The following NBAS variants were observed in gnomAD, a reference collection of about 807,000 sequenced individuals.
The protein encoded by NBAS is NAG/BC035112 fusion.
In NBAS, 219 loss-of-function variants were observed where a neutral mutation model predicts 302.5. The observed-to-expected ratio is 0.72, with a 90% confidence interval of 0.65 to 0.81. The LOEUF (loss-of-function observed/expected upper bound fraction) is 0.81, where lower values mean the gene tolerates loss of function less well. Ranked by LOEUF, NBAS falls within the 30% of genes least tolerant of loss-of-function variation. The pLI, the probability that NBAS is intolerant of heterozygous loss-of-function variation, is 0.00. For missense variants in NBAS, 2,932 were observed against 2,841.6 expected (o/e 1.03, Z -0.72); for synonymous variants, 1,118 against 1,021.6 (o/e 1.09, Z -1.80).
intron 31 of NBAS, among the ~76,000 whole-genome samples, chr2:15,368,928 G>A (rs1200583608): frequency 6.6e-6 from 1 of 152,132 alleles, no homozygotes; most frequent in Non-Finnish European, 1.5e-5. Flanking sequence ...CACATATTAT[G>A]GAGATTCTGA....
At chr2:15,512,294 G>A (rs1042563104) in intron 9 of NBAS, among the ~76,000 whole-genome samples, 3 of 152,070 alleles carry the variant, frequency 2.0e-5, no homozygotes, top group Non-Finnish European at 2.9e-5. Flanking sequence ...ATAACACCAT[G>A]AGCTCTCAAT....
chr2:15,383,017 G>T (rs1488127007), intron 29 of NBAS, among the ~76,000 whole-genome samples, 198 bp downstream of exon 29: 1 of 152,104 alleles, frequency 6.6e-6, no homozygotes, highest in Non-Finnish European at 1.5e-5. Context: ...TAAACAGATA[G>T]TGTTGCAATG....
the NBAS span, among the ~76,000 whole-genome samples, chr2:14,902,093 G>A: frequency 3.3e-5 from 5 of 152,242 alleles, no homozygotes; most frequent in South Asian, 4.1e-4. Flanking sequence ...TGCTTAGTTC[G>A]TATAGCAATC....
intron 48 of NBAS, among the ~76,000 whole-genome samples, chr2:15,218,139 T>C (rs201084438): frequency 1.3e-5 from 2 of 152,178 alleles, no homozygotes; most frequent in Admixed American, 6.5e-5. Context: ...TTACTATATT[T>C]CTATTCACAC....
At chr2:15,133,664 G>A in the NBAS span, among the ~76,000 whole-genome samples, 1 of 152,210 alleles carries the variant, frequency 6.6e-6, no homozygotes, top group African/African-American at 2.4e-5. Flanking sequence ...TTCAAAGGAA[G>A]AGGAAACTCC....
chr2:14,991,486 A>G, the NBAS span, among the ~76,000 whole-genome samples: 1 of 152,166 alleles, frequency 6.6e-6, no homozygotes, highest in Non-Finnish European at 1.5e-5. Context: ...CTTTATTTTG[A>G]AGGTTGTATA....
At chr2:15,144,249 C>T in the NBAS span, among the ~76,000 whole-genome samples, 2 of 151,840 alleles carry the variant, frequency 1.3e-5, no homozygotes, top group Non-Finnish European at 2.9e-5. Context: ...CCAGCTCCTA[C>T]AGCCCGAGTA....
the NBAS span, among the ~76,000 whole-genome samples, chr2:15,124,637 C>T: frequency 2.0e-5 from 3 of 152,234 alleles, no homozygotes; most frequent in Admixed American, 2.0e-4. Flanking sequence ...AGGCCCAGGG[C>T]CCGTTCTCCT....
the NBAS span, among the ~76,000 whole-genome samples, chr2:14,897,137 T>C: frequency 6.6e-5 from 10 of 151,958 alleles, no homozygotes; most frequent in African/African-American, 1.2e-4. Flanking sequence ...ATTTGCCCAG[T>C]ATCACACAGC....
the NBAS span, among the ~76,000 whole-genome samples, chr2:15,078,243 CA>C: frequency 6.6e-6 from 1 of 152,120 alleles, no homozygotes; most frequent in African/African-American, 2.4e-5. Flanking sequence ...AAGGAAGTAA[CA>C]AGGTCAAATG....
chr2:14,993,396 CT>C, the NBAS span, among the ~76,000 whole-genome samples: 3 of 152,084 alleles, frequency 2.0e-5, no homozygotes, highest in Non-Finnish European at 4.4e-5. Flanking sequence ...GCTGATTTAC[CT>C]TTTTTCTGTC....
intron 9 of NBAS, among the ~76,000 whole-genome samples, chr2:15,515,491 C>G (rs1410133314): frequency 1.3e-5 from 2 of 152,130 alleles, no homozygotes; most frequent in African/African-American, 2.4e-5. Flanking sequence ...ACCACTTCAG[C>G]CTGAGTGATG....
rs1261663946 is a variant in NBAS, at chr2:15,185,972, T to C, written c.6711+770A>G. Reference sequence around the variant, plus strand: ...TCCAAATGCTTAAATTTAAGACATGTAAATTATTCAAATAATATACCGCTG... The same window carrying C: ...TCCAAATGCTTAAATTTAAGACATGCAAATTATTCAAATAATATACCGCTG... On this transcript the variant is annotated intron_variant, in intron 50 of 51. Coordinates refer to ENST00000281513, the MANE Select transcript of NBAS (RefSeq NM_015909.4). Among the ~76,000 whole-genome samples, 32 of 152,232 alleles carry C rather than the reference T, an allele frequency of 2.1e-4. 1 individual carries two copies. Among genetic ancestry groups the C allele is most frequent in the Admixed American group, 2.0e-3 (30 of 15,284 alleles).
chr2:15,284,412 T>C (rs1037150745), intron 42 of NBAS, among the ~76,000 whole-genome samples: 4 of 152,138 alleles, frequency 2.6e-5, no homozygotes, highest in Non-Finnish European at 5.9e-5. Context: ...ACCAATAGGA[T>C]TTGTTTGATC....
the NBAS span, among the ~76,000 whole-genome samples, chr2:14,999,509 C>T: frequency 1.4e-4 from 21 of 152,162 alleles, no homozygotes; most frequent in South Asian, 4.2e-4. Context: ...TGATAGTGAA[C>T]GAGTTCTCAG....
the NBAS span, among the ~76,000 whole-genome samples, chr2:14,929,056 A>C: frequency 2.0e-5 from 3 of 152,140 alleles, no homozygotes; most frequent in African/African-American, 7.2e-5. Flanking sequence ...ACCAAAATTG[A>C]CTATAGTATT....
chr2:14,788,223 C>G, the NBAS span, among the ~76,000 whole-genome samples: 2 of 152,166 alleles, frequency 1.3e-5, no homozygotes, highest in African/African-American at 2.4e-5. Context: ...ATACATTCGT[C>G]TAAATTTTTT....
At chr2:15,119,307 T>C in the NBAS span, among the ~76,000 whole-genome samples, 37 of 103,120 alleles carry the variant, frequency 3.6e-4, no homozygotes, top group Middle Eastern at 0.016. Flanking sequence ...TCCTTTCTTT[T>C]TTTTTTTTTT....
At chr2:15,363,569 T>G (rs73914845) in intron 32 of NBAS, among the ~76,000 whole-genome samples, 3 of 152,206 alleles carry the variant, frequency 2.0e-5, no homozygotes, top group Non-Finnish European at 2.9e-5. Flanking sequence ...ACCTCTTAAC[T>G]ATAAAATCCT....
Sources: allele counts gnomAD v4.1 joint callset (sites outside exome capture counted in the v4.1 genomes callset), GRCh38; gene constraint gnomAD v4.1.1; transcripts MANE v1.5; gene names NCBI Gene and HGNC (gene_info 2026-07-23, HGNC 2026-07-21).